Variants in CSMD1 observed in about 807,000 individuals in gnomAD.
CSMD1 encodes the protein CUB and sushi domain-containing protein 1.
In CSMD1, 213 loss-of-function variants were observed where a neutral mutation model predicts 417.5. The ratio of observed to expected loss-of-function variants is 0.51; its 90% CI spans 0.46 to 0.57. CSMD1 has a LOEUF of 0.57. Ranked by LOEUF, CSMD1 falls within the 20% of genes least tolerant of loss-of-function variation. CSMD1 has a pLI of 0.00. For missense variants in CSMD1, 6,923 were observed against 4,529.7 expected (o/e 1.53, Z -15.17); for synonymous variants, 2,862 against 1,736.8 (o/e 1.65, Z -16.11).
intron 12 of CSMD1, among the ~76,000 whole-genome samples, chr8:3,457,720 C>G (rs1156396858): frequency 2.0e-5 from 3 of 152,036 alleles, no homozygotes; most frequent in Non-Finnish European, 4.4e-5. Context: ...GTAAAGGAAA[C>G]AGAAATACCA....
intron 26 of CSMD1, among the ~76,000 whole-genome samples, chr8:3,255,672 A>G (rs1289211033): frequency 2.0e-5 from 3 of 152,226 alleles, no homozygotes; most frequent in Admixed American, 1.3e-4. Flanking sequence ...TGAGCCATGC[A>G]CGGGATATAA....
chr8:3,599,125 CTGTGTGTGTGTG>C (rs143211609), intron 8 of CSMD1, among the ~76,000 whole-genome samples: 3 of 144,504 alleles, frequency 2.1e-5, no homozygotes, highest in South Asian at 2.2e-4. Context: ...TTGCTTACTG[CTGTGTGTGTGTG>C]TGTGTGTGTG....
chr8:3,376,375 A>G (rs1199330246), intron 18 of CSMD1, among the ~76,000 whole-genome samples: 2 of 152,224 alleles, frequency 1.3e-5, no homozygotes, highest in African/African-American at 2.4e-5. Context: ...AGCATTGATT[A>G]TATCTCATGG....
chr8:3,820,985 C>T (rs918940422), intron 5 of CSMD1, among the ~76,000 whole-genome samples: 3 of 152,062 alleles, frequency 2.0e-5, no homozygotes, highest in Non-Finnish European at 2.9e-5. Flanking sequence ...GGTGCAAACT[C>T]GGTTCACTGC....
At chr8:4,122,261 T>G (rs1185175794) in intron 3 of CSMD1, among the ~76,000 whole-genome samples, 1 of 152,112 alleles carries the variant, frequency 6.6e-6, no homozygotes, top group Non-Finnish European at 1.5e-5. Context: ...TTCGTACATT[T>G]CTTAAGACCT....
chr8:4,177,935 T>G (rs1012627777), intron 3 of CSMD1, among the ~76,000 whole-genome samples: 5 of 152,000 alleles, frequency 3.3e-5, no homozygotes, highest in Admixed American at 1.3e-4. Context: ...GTGGCAACAA[T>G]CAATAGCTTA....
chr8:4,965,603 G>C (rs903843774), intron 1 of CSMD1, among the ~76,000 whole-genome samples: 3 of 152,166 alleles, frequency 2.0e-5, no homozygotes, highest in African/African-American at 7.2e-5. Context: ...AACTGGGTTT[G>C]TCCCTGAAGT....
chr8:4,973,552 T>G (rs1468842809), intron 1 of CSMD1, among the ~76,000 whole-genome samples: 1 of 152,172 alleles, frequency 6.6e-6, no homozygotes, highest in African/African-American at 2.4e-5. Flanking sequence ...CTTAATGTAG[T>G]AAAGACTCAA....
chr8:4,245,914 G>T (rs556214199), intron 3 of CSMD1, among the ~76,000 whole-genome samples: 1 of 152,052 alleles, frequency 6.6e-6, no homozygotes, highest in Admixed American at 6.5e-5. Context: ...TAGCTAAGGC[G>T]TTTTCTCAAC....
chr8:3,422,883 T>A (rs1813585885), intron 12 of CSMD1, among the ~76,000 whole-genome samples: 1 of 152,138 alleles, frequency 6.6e-6, no homozygotes, highest in Non-Finnish European at 1.5e-5. Context: ...TTCTGTGTCC[T>A]CCAGAGGGAG....
At chr8:3,651,559 T>C (rs1290150327) in intron 7 of CSMD1, among the ~76,000 whole-genome samples, 1 of 152,174 alleles carries the variant, frequency 6.6e-6, no homozygotes, top group Non-Finnish European at 1.5e-5. Context: ...AATGAGGTCT[T>C]GGCTGGCCAC....
intron 7 of CSMD1, among the ~76,000 whole-genome samples, chr8:3,619,208 C>T (rs575924607): frequency 3.9e-4 from 60 of 152,148 alleles, no homozygotes; most frequent in African/African-American, 1.2e-3. Flanking sequence ...AACAAAAATA[C>T]AGCAAAATGT....
At chr8:4,280,820 A>G (rs1034709437) in intron 3 of CSMD1, among the ~76,000 whole-genome samples, 2 of 152,216 alleles carry the variant, frequency 1.3e-5, no homozygotes, top group African/African-American at 4.8e-5. Context: ...AAAAATGTAT[A>G]AATTATAAGA....
intron 3 of CSMD1, among the ~76,000 whole-genome samples, chr8:4,116,511 CG>C (rs1563143891): frequency 2.0e-4 from 24 of 121,926 alleles, no homozygotes; most frequent in Admixed American, 4.1e-4. Context: ...CATCCGACGG[CG>C]ATGTATGAGT....
intron 28 of CSMD1, among the ~76,000 whole-genome samples, chr8:3,223,336 C>G (rs1268044146): frequency 6.6e-6 from 1 of 152,142 alleles, no homozygotes; most frequent in Non-Finnish European, 1.5e-5. Flanking sequence ...CAGTGCTACC[C>G]TCAGGAACGT....
chr8:3,868,266 T>A (rs980332323), intron 5 of CSMD1, among the ~76,000 whole-genome samples: 1 of 152,094 alleles, frequency 6.6e-6, no homozygotes, highest in African/African-American at 2.4e-5. Context: ...TGACCATTGC[T>A]CTGAAGTGTG....
chr8:4,189,096 A>T (rs28594595), intron 3 of CSMD1, among the ~76,000 whole-genome samples: 4,198 of 152,320 alleles, frequency 0.028, 187 homozygotes, highest in African/African-American at 0.094. Flanking sequence ...AATACATGAC[A>T]TTCACGTTTT....
At chr8:4,709,781 G>C (rs933847253) in intron 1 of CSMD1, among the ~76,000 whole-genome samples, 3 of 152,190 alleles carry the variant, frequency 2.0e-5, no homozygotes, top group African/African-American at 7.2e-5. Context: ...CCAGGGAGAA[G>C]TCACAGGGGA....
At chr8:4,228,241 T>G (rs1625889) in intron 3 of CSMD1, among the ~76,000 whole-genome samples, 1 of 152,014 alleles carries the variant, frequency 6.6e-6, no homozygotes, top group South Asian at 2.1e-4. Flanking sequence ...GTAAAAATAT[T>G]TGCCTTCCTG....
Sources: gnomAD v4.1 joint callset for allele counts (sites outside exome capture counted in the v4.1 genomes callset) on GRCh38, gnomAD v4.1.1 for gene constraint, MANE v1.5 for transcripts, NCBI Gene and HGNC (gene_info 2026-07-23, HGNC 2026-07-21) for gene names.